CDH4: variants seen among roughly 807,000 people sequenced by gnomAD.
CDH4 encodes the protein cadherin-4.
Under a neutral mutation model 86.0 loss-of-function variants are expected in CDH4, and 33 were observed. The observed-to-expected ratio is 0.38, with a 90% CI of 0.29 to 0.51. The LOEUF is 0.51. Ranked by LOEUF, CDH4 falls within the 20% of genes least tolerant of loss-of-function variation. The pLI is 0.86. For synonymous variants in CDH4, 555 were observed against 549.4 expected (o/e 1.01, Z -0.14); for missense variants, 1,114 against 1,307.4 (o/e 0.85, Z 2.28).
In CDH4 at chr20:61,732,949, C is replaced by A. The variant is rs548326573; in HGVS notation, c.170-10614C>A. On this transcript the variant is annotated intron_variant, in intron 2 of 15. Transcript: ENST00000614565. ...CCTGTGCCACATGTGCTGGGAGCCC[C>A]TTCAGCACCGGCTAGAGTGACCAGC... 5.3e-5 allele frequency among the ~76,000 whole-genome samples: 8 copies of A among 152,330 alleles called. No homozygotes were observed. In the East Asian group the frequency reaches 1.5e-3, roughly 29 times the overall value.
At chr20:61,424,649 C>T (rs1044900696) in intron 2 of CDH4, among the ~76,000 whole-genome samples, 1 of 152,214 alleles carries the variant, frequency 6.6e-6, no homozygotes, top group Non-Finnish European at 1.5e-5. Context: ...GTCACCCACT[C>T]TTCCCCTGTT....
At chr20:61,839,273 G>A (rs188840623) in intron 4 of CDH4, among the ~76,000 whole-genome samples, 85 of 152,246 alleles carry the variant, frequency 5.6e-4, no homozygotes, top group African/African-American at 1.9e-3. Context: ...AGGATATCCC[G>A]CCGGGTGTGC....
chr20:61,818,188 C>T (rs1316038809), intron 4 of CDH4, among the ~76,000 whole-genome samples: 1 of 152,178 alleles, frequency 6.6e-6, no homozygotes, highest in Non-Finnish European at 1.5e-5. Context: ...CACCACTACG[C>T]CTCTTATGTT....
chr20:61,503,522 T>C (rs1185836601), intron 2 of CDH4, among the ~76,000 whole-genome samples: 5 of 152,224 alleles, frequency 3.3e-5, no homozygotes, highest in Non-Finnish European at 7.3e-5. Context: ...AAGTGTGTCC[T>C]GGATGTTGGC....
chr20:61,895,078 T>C, intron 8 of CDH4, 31 bp downstream of exon 8: 1 of 1,610,202 alleles, frequency 6.2e-7, no homozygotes, highest in Non-Finnish European at 8.5e-7. Context: ...CAGTGACGCA[T>C]GGCCCGTGCA....
intron 4 of CDH4, among the ~76,000 whole-genome samples, chr20:61,819,986 G>C (rs905153994): frequency 6.6e-6 from 1 of 152,148 alleles, no homozygotes; most frequent in Admixed American, 6.5e-5. Flanking sequence ...GCCAAGCCCA[G>C]GGGTGGCCAC....
intron 2 of CDH4, among the ~76,000 whole-genome samples, chr20:61,410,031 C>T (rs1277060046): frequency 6.6e-6 from 1 of 152,232 alleles, no homozygotes; most frequent in Non-Finnish European, 1.5e-5. Flanking sequence ...CAGCTCAGTG[C>T]AGAGCGGGGA....
At chr20:61,755,569 G>A (rs1404589644) in intron 3 of CDH4, among the ~76,000 whole-genome samples, 1 of 136,162 alleles carries the variant, frequency 7.3e-6, no homozygotes, top group Non-Finnish European at 1.5e-5. Flanking sequence ...CCACACACAT[G>A]CCCCATACAC....
chr20:61,907,457 A>G (rs2054802264), intron 8 of CDH4, among the ~76,000 whole-genome samples: 1 of 152,066 alleles, frequency 6.6e-6, no homozygotes, highest in Admixed American at 6.5e-5. Flanking sequence ...CCTCACTCTC[A>G]GGCATGTTCT....
chr20:61,634,315 G>GCC (rs994734539), intron 2 of CDH4, among the ~76,000 whole-genome samples: 1 of 152,170 alleles, frequency 6.6e-6, no homozygotes, highest in Admixed American at 6.5e-5. Flanking sequence ...CACCTTCCGA[G>GCC]CCCCCAGAAG....
At chr20:61,322,182 G>A (rs1233870221) in intron 2 of CDH4, among the ~76,000 whole-genome samples, 1 of 152,186 alleles carries the variant, frequency 6.6e-6, no homozygotes, top group East Asian at 1.9e-4. Context: ...CCGTCTGTGT[G>A]CTTTGCACTC....
intron 2 of CDH4, among the ~76,000 whole-genome samples, chr20:61,353,609 T>TCCCCCTCCTCCC (rs2084726154): frequency 1.4e-4 from 4 of 27,604 alleles, no homozygotes; most frequent in African/African-American, 3.6e-4. Flanking sequence ...TTCCACTTCC[T>TCCCCCTCCTCCC]CCTCTTCCTC....
At chr20:61,427,156 GC>G (rs2085219534) in intron 2 of CDH4, among the ~76,000 whole-genome samples, 1 of 152,218 alleles carries the variant, frequency 6.6e-6, no homozygotes, top group African/African-American at 2.4e-5. Flanking sequence ...GCTTCCTGCC[GC>G]ATTTGCAGAG....
At chr20:61,378,249 T>C (rs1302038524) in intron 2 of CDH4, among the ~76,000 whole-genome samples, 1 of 152,194 alleles carries the variant, frequency 6.6e-6, no homozygotes, top group Non-Finnish European at 1.5e-5. Context: ...AGCAAAACTC[T>C]CTGTTAAAAG....
At chr20:61,640,445 C>CTT (rs2086993954) in intron 2 of CDH4, among the ~76,000 whole-genome samples, 1 of 152,188 alleles carries the variant, frequency 6.6e-6, no homozygotes, top group Admixed American at 6.5e-5. Flanking sequence ...GTAGACCAAC[C>CTT]ACCCAGCCCT....
chr20:61,932,865 G>A (rs1273093326), intron 13 of CDH4, 120 bp from the exon 14 acceptor site: 11 of 1,340,516 alleles, frequency 8.2e-6, no homozygotes, highest in East Asian at 5.0e-5. Flanking sequence ...TGCACACATG[G>A]GCACAGTCAT....
chr20:61,780,915 A>AG (rs564170679), intron 4 of CDH4, among the ~76,000 whole-genome samples: 51 of 152,340 alleles, frequency 3.3e-4, no homozygotes, highest in Non-Finnish European at 6.5e-4. Context: ...GAATTGACAA[A>AG]GCAGCTGGAA....
intron 11 of CDH4, among the ~76,000 whole-genome samples, chr20:61,924,786 C>G (rs2055026792): frequency 6.6e-6 from 1 of 152,232 alleles, no homozygotes; most frequent in Admixed American, 6.5e-5. Context: ...CCACAGCCTC[C>G]AGGGGCATCA....
intron 2 of CDH4, among the ~76,000 whole-genome samples, chr20:61,542,746 G>A (rs1290135410): frequency 1.3e-5 from 2 of 152,162 alleles, no homozygotes; most frequent in African/African-American, 2.4e-5. Flanking sequence ...TTAGAAATCG[G>A]TATTAGGGTT....
Sources: gnomAD v4.1 joint callset for allele counts (sites outside exome capture counted in the v4.1 genomes callset) on GRCh38, gnomAD v4.1.1 for gene constraint, MANE v1.5 for transcripts, NCBI Gene and HGNC (gene_info 2026-07-23, HGNC 2026-07-21) for gene names.